The following LRP1B variants were observed in gnomAD, a reference collection of about 807,000 sequenced individuals.
The protein encoded by LRP1B is LDL receptor related protein 1B.
In LRP1B, 217 loss-of-function variants were observed where a neutral mutation model predicts 556.6. The observed-to-expected ratio is 0.39, with a 90% CI of 0.35 to 0.44. LRP1B has a LOEUF of 0.44. LRP1B is among the 20% of genes least tolerant of loss of function. LRP1B has a pLI of 1.00. For synonymous variants in LRP1B, 2,047 were observed against 1,865.8 expected (o/e 1.10, Z -2.50); for missense variants, 5,053 against 5,620.8 (o/e 0.90, Z 3.23).
chr2:142,056,018 T>G (rs1278633591), intron 1 of LRP1B, among the ~76,000 whole-genome samples: 1 of 151,852 alleles, frequency 6.6e-6, no homozygotes, highest in Non-Finnish European at 1.5e-5. Context: ...GGGCGTGGTA[T>G]CGCATGCCTG....
intron 3 of LRP1B, among the ~76,000 whole-genome samples, chr2:141,395,230 T>C (rs1690198608): frequency 6.6e-6 from 1 of 152,084 alleles, no homozygotes; most frequent in Admixed American, 6.6e-5. Context: ...CACTCAGTGA[T>C]TTACCCAGAG....
intron 3 of LRP1B, among the ~76,000 whole-genome samples, chr2:141,467,229 A>G (rs952952781): frequency 6.6e-5 from 10 of 151,620 alleles, no homozygotes; most frequent in African/African-American, 2.4e-4. Flanking sequence ...ATGACAGCCA[A>G]TTACGTGGGT....
rs1680530499 is a variant in LRP1B, at chr2:140,232,934, A to G, written c.*252T>C. On this transcript the variant is annotated 3_prime_UTR_variant, in exon 91 of 91. Coordinates refer to ENST00000389484, the MANE Select transcript of LRP1B (RefSeq NM_018557.3). Reference sequence around the variant, plus strand: ...TTGTTTTTAATTTTAACAAATTCAAAGGTGTGTCATATCAGCAGCATTGTT... The same window carrying G: ...TTGTTTTTAATTTTAACAAATTCAAGGGTGTGTCATATCAGCAGCATTGTT... 1 of 293,762 alleles carries G rather than the reference A, an allele frequency of 3.4e-6. No individual in the cohort carries two copies. Among genetic ancestry groups the G allele is most frequent in the Admixed American group, 5.0e-5 (1 of 19,816 alleles). The allele number at this position is 293,762 out of a possible 1,614,324, so 18.2% of individuals were successfully genotyped here.
intron 66 of LRP1B, among the ~76,000 whole-genome samples, chr2:140,413,111 A>T (rs1314655468): frequency 6.6e-6 from 1 of 152,160 alleles, no homozygotes; most frequent in Admixed American, 6.6e-5. Flanking sequence ...AAAGTAGTAG[A>T]TATAATAGTA....
At chr2:141,488,965 G>GTTTTTTT (rs751786929) in intron 2 of LRP1B, among the ~76,000 whole-genome samples, 5 of 110,950 alleles carry the variant, frequency 4.5e-5, no homozygotes, top group African/African-American at 1.2e-4. Flanking sequence ...ACATGGGTTT[G>GTTTTTTT]TTTTTTTTTG....
intron 57 of LRP1B, 95 bp downstream of exon 57, chr2:140,492,513 G>T: frequency 1.3e-6 from 1 of 744,208 alleles, no homozygotes; most frequent in Non-Finnish European, 2.3e-6. Flanking sequence ...CTAAAAATAT[G>T]CTTCACAAAC....
At chr2:140,372,962 C>A (rs1407716744) in intron 69 of LRP1B, 46 bp downstream of exon 69, 1 of 1,600,788 alleles carries the variant, frequency 6.2e-7, no homozygotes, top group East Asian at 2.2e-5. Context: ...TAAATTCTAT[C>A]AAGGTAAAAT....
chr2:140,745,569 A>G (rs752608113), intron 35 of LRP1B, among the ~76,000 whole-genome samples: 4 of 152,112 alleles, frequency 2.6e-5, no homozygotes, highest in Non-Finnish European at 5.9e-5. Context: ...TTCTGTGTGT[A>G]TATGTGTGTG....
intron 3 of LRP1B, among the ~76,000 whole-genome samples, chr2:141,264,147 G>A (rs1684800810): frequency 6.6e-6 from 1 of 152,100 alleles, no homozygotes. Context: ...AATGAAATAA[G>A]TAAAACGGTT....
chr2:141,096,093 C>G (rs1700291804), intron 7 of LRP1B, among the ~76,000 whole-genome samples: 1 of 151,990 alleles, frequency 6.6e-6, no homozygotes, highest in Admixed American at 6.6e-5. Flanking sequence ...GATGAGAATT[C>G]AATTTAGACT....
intron 2 of LRP1B, among the ~76,000 whole-genome samples, chr2:141,647,318 A>T (rs1188576935): frequency 6.6e-6 from 1 of 152,188 alleles, no homozygotes; most frequent in African/African-American, 2.4e-5. Context: ...TGCCTTAGCA[A>T]CCTTGGAAGC....
intron 31 of LRP1B, among the ~76,000 whole-genome samples, chr2:140,817,744 A>C (rs1262730915): frequency 6.6e-6 from 1 of 152,126 alleles, no homozygotes; most frequent in Non-Finnish European, 1.5e-5. Context: ...AAGTGGCTCA[A>C]AATTAAATAA....
intron 1 of LRP1B, among the ~76,000 whole-genome samples, chr2:142,033,069 G>A (rs1399973885): frequency 1.3e-5 from 2 of 151,658 alleles, no homozygotes; most frequent in African/African-American, 2.4e-5. Flanking sequence ...TTTCTTAAGG[G>A]AGTATAAGAA....
intron 82 of LRP1B, among the ~76,000 whole-genome samples, chr2:140,316,055 G>A (rs1407306326): frequency 6.6e-6 from 1 of 152,052 alleles, no homozygotes; most frequent in African/African-American, 2.4e-5. Context: ...TAACAATATG[G>A]CAAGTATAAT....
chr2:141,149,289 C>G (rs1471576880), intron 7 of LRP1B, among the ~76,000 whole-genome samples: 1 of 151,826 alleles, frequency 6.6e-6, no homozygotes, highest in Non-Finnish European at 1.5e-5. Context: ...TTCCTCTGAC[C>G]ACTATGGCCT....
intron 3 of LRP1B, among the ~76,000 whole-genome samples, chr2:141,404,278 T>C (rs1459566909): frequency 1.3e-5 from 2 of 152,226 alleles, no homozygotes; most frequent in Admixed American, 6.5e-5. Flanking sequence ...TTTTCTTTGA[T>C]GTGATGAAGA....
intron 11 of LRP1B, among the ~76,000 whole-genome samples, chr2:141,045,401 C>G (rs914830364): frequency 4.0e-5 from 6 of 150,028 alleles, no homozygotes; most frequent in African/African-American, 1.5e-4. Flanking sequence ...GCACATGTAC[C>G]CTAAAACTTA....
intron 85 of LRP1B, among the ~76,000 whole-genome samples, chr2:140,272,728 G>T (rs79160881): frequency 0.021 from 3,148 of 151,946 alleles, 40 homozygotes; most frequent in African/African-American, 0.03. Flanking sequence ...AAATAAAAAT[G>T]AACTTTAATC....
chr2:140,476,558 C>T (rs937018717), intron 59 of LRP1B, among the ~76,000 whole-genome samples: 1 of 151,906 alleles, frequency 6.6e-6, no homozygotes, highest in African/African-American at 2.4e-5. Flanking sequence ...AATAAAAACA[C>T]TTATCAAATA....
Sources: allele counts gnomAD v4.1 joint callset (sites outside exome capture counted in the v4.1 genomes callset), GRCh38; gene constraint gnomAD v4.1.1; transcripts MANE v1.5; gene names NCBI Gene and HGNC (gene_info 2026-07-23, HGNC 2026-07-21).